The following DOCK1 variants were observed in gnomAD, a reference collection of about 807,000 sequenced individuals.
DOCK1 encodes the protein dedicator of cytokinesis protein 1.
A neutral mutation model predicts 262.7 loss-of-function variants in DOCK1; 138 were observed. The ratio of observed to expected loss-of-function variants is 0.53; its 90% CI spans 0.46 to 0.61. DOCK1 has a LOEUF of 0.61. Among genes scored for constraint, DOCK1 ranks in the 20% least tolerant of loss-of-function variants. The pLI, the probability that DOCK1 is intolerant of heterozygous loss-of-function variation, is 0.00. For synonymous variants in DOCK1, 866 were observed against 867.4 expected, an observed-to-expected ratio of 1.00 and a Z score of 0.03; for missense variants, 1,908 against 2,370.7, an observed-to-expected ratio of 0.80 and a Z score of 4.05.
intron 39 of DOCK1, 48 bp from the exon 40 acceptor site, chr10:127,404,277 C>T: frequency 2.0e-6 from 3 of 1,518,486 alleles, no homozygotes; most frequent in Non-Finnish European, 2.7e-6. Context: ...CAGAGGCACA[C>T]ATGCTTGAAT....
intron 50 of DOCK1, among the ~76,000 whole-genome samples, chr10:127,445,125 C>G (rs2070451834): frequency 6.6e-6 from 1 of 152,150 alleles, no homozygotes; most frequent in South Asian, 2.1e-4. Context: ...TGGAGAGACT[C>G]TACTCAACTT....
chr10:127,083,407 G>A (rs936850387), intron 23 of DOCK1, among the ~76,000 whole-genome samples: 2 of 152,134 alleles, frequency 1.3e-5, no homozygotes. Flanking sequence ...GGGTGCCAGC[G>A]ATCTCCCCAC....
intron 50 of DOCK1, 30 bp downstream of exon 50, chr10:127,444,309 G>T (rs370861494): frequency 6.4e-7 from 1 of 1,561,136 alleles, no homozygotes; most frequent in South Asian, 1.2e-5. Flanking sequence ...CATACGAATC[G>T]TGCTATAGCT....
In DOCK1 at chr10:127,100,072, G is replaced by A. The variant is rs2048146422; in HGVS notation, c.2446-6159G>A. On this transcript the variant is annotated intron_variant, in intron 23 of 51. Transcript: ENST00000623213. The surrounding 1 kb of genome is among the most constrained non-coding windows in gnomAD (Gnocchi z 5.5). ...CTGGGGTGGTGGGGCCAGAGCCCAT[G>A]GCCCTCCATGGGTGTGGGATAGGTT... Among the ~76,000 whole-genome samples, 1 of 152,136 alleles carries A rather than the reference G, an allele frequency of 6.6e-6. No individual in the cohort carries two copies. The highest frequency in any genetic ancestry group is 1.5e-5 in the Non-Finnish European group (1 of 68,008).
rs1437362292 is a variant in DOCK1 at position 127,037,729 on chromosome 10, G to A, written c.1923G>A (p.Leu641=). The A allele has an allele frequency of 1.1e-5, 17 of 1,589,582 alleles. No homozygotes were observed. Among genetic ancestry groups the A allele is most frequent in the Non-Finnish European group, 1.5e-5 (17 of 1,167,696 alleles). The change falls in exon 19 of 52, where the codon CTG becomes CTA. Residue 641 remains leucine, a synonymous_variant. Transcript: ENST00000623213. ...STKLTQNVDL[L]GLLKWRSNTS... ...ATTTTCTGTTTCCAGTGGACCTTCT[G>A]GGGCTCTTGAAATGGCGCTCCAACA...
intron 1 of DOCK1, among the ~76,000 whole-genome samples, chr10:126,925,432 G>T (rs1387018435): frequency 6.6e-6 from 1 of 152,160 alleles, no homozygotes; most frequent in Non-Finnish European, 1.5e-5. Flanking sequence ...TTTCCAGGCT[G>T]CAGGGCAGTG....
At chr10:126,934,696 T>C (rs959888913) in intron 1 of DOCK1, among the ~76,000 whole-genome samples, 10,117 of 151,940 alleles carry the variant, frequency 0.067, 437 homozygotes, top group Middle Eastern at 0.18. Context: ...GAGTCTAACT[T>C]TGTGCATGGC....
chr10:127,294,013 G>A (rs61870267), intron 29 of DOCK1, among the ~76,000 whole-genome samples: 5,129 of 152,214 alleles, frequency 0.034, 150 homozygotes, highest in African/African-American at 0.076. Context: ...GCCACCCGGA[G>A]CACACCGCGG....
chr10:127,233,699 C>T (rs1024313768), intron 27 of DOCK1, among the ~76,000 whole-genome samples: 1 of 152,196 alleles, frequency 6.6e-6, no homozygotes, highest in East Asian at 1.9e-4. Context: ...AGTGTGCCTT[C>T]GCAAAGGTTT....
intron 22 of DOCK1, among the ~76,000 whole-genome samples, chr10:127,057,143 C>A (rs2045215004): frequency 6.6e-6 from 1 of 152,172 alleles, no homozygotes; most frequent in African/African-American, 2.4e-5. Context: ...GTGACAAGCT[C>A]CAAATGAGTC....
rs575066508 is a variant in DOCK1, at chr10:127,447,425, C to T, written c.5445C>T (p.Asp1815=). 1.7e-5 allele frequency: 27 copies of T among 1,613,064 alleles called. No homozygotes were observed. Among genetic ancestry groups the T allele is most frequent in the Middle Eastern group, 3.3e-4 (2 of 6,060 alleles). Residue 1815 remains aspartate, a synonymous_variant, in exon 51 of 52, where the codon GAC becomes GAT. Transcript: ENST00000623213. ...SLELNGMTGA[D]VADVPPPLPL... is the part of the protein sequence containing the mutation. The stretch of plus-strand genomic sequence containing the variant: ...AGCTGAACGGCATGACGGGGGCGGA[C>T]GTGGCCGATGTCCCACCCCCTCTGC...
At chr10:127,138,873 A>G (rs1443320798) in intron 27 of DOCK1, among the ~76,000 whole-genome samples, 12 of 152,180 alleles carry the variant, frequency 7.9e-5, no homozygotes, top group Admixed American at 7.2e-4. Flanking sequence ...TCTCGTCTCC[A>G]TGTCTTTGAA....
Position 126,998,340 on chromosome 10 carries a change from G to A in DOCK1, c.767+91G>A, listed in dbSNP as rs2040356533. On this transcript the variant is annotated intron_variant, in intron 8 of 51. Coordinates refer to ENST00000623213, the MANE Select transcript of DOCK1 (RefSeq NM_001290223.2). ...CACTGAAGCGTCCCATTCATGCTGA[G>A]AGGCCTTGGATGAATGGCTGCTGGA... 3 of 1,537,328 alleles carry A rather than the reference G, an allele frequency of 2.0e-6. No individual in the cohort carries two copies. In the African/African-American group the frequency reaches 4.1e-5, roughly 21 times the overall value.
At chr10:127,070,097 G>A (rs528467705) in intron 23 of DOCK1, among the ~76,000 whole-genome samples, 2 of 152,092 alleles carry the variant, frequency 1.3e-5, no homozygotes, top group African/African-American at 4.8e-5. Context: ...CTCTCCCTGT[G>A]TGTCTGTCTT....
intron 27 of DOCK1, among the ~76,000 whole-genome samples, chr10:127,196,506 G>A (rs929915628): frequency 2.7e-5 from 4 of 148,226 alleles, no homozygotes; most frequent in African/African-American, 9.7e-5. Flanking sequence ...GCTACTCCGC[G>A]GAGCCGGGCG....
chr10:127,251,087 C>T (rs141111725), intron 28 of DOCK1, among the ~76,000 whole-genome samples: 3,974 of 151,920 alleles, frequency 0.026, 61 homozygotes, highest in Non-Finnish European at 0.033. Context: ...TTCAGCCTCC[C>T]GAGTAGCTGG....
At chr10:127,024,568 G>GT (rs2042691663) in intron 14 of DOCK1, 117 bp from the exon 15 acceptor site, 1 of 802,836 alleles carries the variant, frequency 1.2e-6, no homozygotes, top group African/African-American at 1.7e-5. Flanking sequence ...TTCATTTGTG[G>GT]TGGGGGTGTG....
intron 29 of DOCK1, among the ~76,000 whole-genome samples, chr10:127,322,110 GA>G (rs892827597): frequency 1.4e-5 from 2 of 143,320 alleles, no homozygotes; most frequent in African/African-American, 5.1e-5. Flanking sequence ...CTCAGAAAAA[GA>G]AAAAAAAAGA....
intron 1 of DOCK1, among the ~76,000 whole-genome samples, chr10:126,964,925 T>C (rs1407629497): frequency 7.2e-5 from 11 of 152,384 alleles, no homozygotes; most frequent in Non-Finnish European, 1.3e-4. Context: ...CAGCTTTTGC[T>C]TTTCCTCTTT....
Sources: allele counts gnomAD v4.1 joint callset (sites outside exome capture counted in the v4.1 genomes callset), GRCh38; gene constraint gnomAD v4.1.1; non-coding constraint Gnocchi (gnomAD v3.1); transcripts MANE v1.5; gene names NCBI Gene and HGNC (gene_info 2026-07-23, HGNC 2026-07-21).